ZFP69: variants seen among roughly 807,000 people sequenced by gnomAD.
ZFP69 encodes ZFP69 zinc finger protein.
In ZFP69, 35 loss-of-function variants were observed where a neutral mutation model predicts 48.9. The observed-to-expected ratio is 0.72, with a 90% CI of 0.55 to 0.95. The LOEUF is 0.95. ZFP69 is among the 40% of genes least tolerant of loss of function. The pLI, the probability that ZFP69 is intolerant of heterozygous loss-of-function variation, is 0.00. For synonymous variants in ZFP69, 193 were observed against 216.8 expected, an observed-to-expected ratio of 0.89 and a Z score of 0.96; for missense variants, 557 against 638.4, an observed-to-expected ratio of 0.87 and a Z score of 1.37.
chr1:40,491,722 CT>C (rs1557553711), intron 5 of ZFP69, among the ~76,000 whole-genome samples: 1 of 150,100 alleles, frequency 6.7e-6, no homozygotes, highest in Admixed American at 6.7e-5. Context: ...TTTCTATAAT[CT>C]TTTTTTCTTA....
chr1:40,479,696 C>G (rs1570012468), intron 2 of ZFP69, among the ~76,000 whole-genome samples: 1 of 152,242 alleles, frequency 6.6e-6, no homozygotes, highest in East Asian at 1.9e-4. Flanking sequence ...GCTCTCATCT[C>G]CCATCTTCAA....
intron 5 of ZFP69, among the ~76,000 whole-genome samples, chr1:40,489,992 C>T (rs537738683): frequency 1.3e-5 from 2 of 151,818 alleles, no homozygotes; most frequent in South Asian, 4.2e-4. Flanking sequence ...GCCTCAGCCT[C>T]CCGAGTAGCT....
intron 3 of ZFP69, among the ~76,000 whole-genome samples, chr1:40,486,171 C>G (rs887650209): frequency 7.2e-5 from 11 of 151,906 alleles, no homozygotes; most frequent in Non-Finnish European, 1.2e-4. Context: ...AAGTGATCTG[C>G]CACCATAGCC....
chr1:40,488,724 G>A (rs1042159754), intron 3 of ZFP69, among the ~76,000 whole-genome samples: 4 of 152,024 alleles, frequency 2.6e-5, no homozygotes, highest in Non-Finnish European at 4.4e-5. Context: ...TTATGTCTCC[G>A]GTCAAACATC....
At chr1:40,480,900 C>T (rs546422029) in intron 2 of ZFP69, among the ~76,000 whole-genome samples, 1 of 152,280 alleles carries the variant, frequency 6.6e-6, no homozygotes, top group South Asian at 2.1e-4. Flanking sequence ...GAGTACAATT[C>T]ACAATATCAA....
At chr1:40,494,724 A>T (rs1373902685) in intron 5 of ZFP69, among the ~76,000 whole-genome samples, 197 bp from the exon 6 acceptor site, 2 of 143,688 alleles carry the variant, frequency 1.4e-5, no homozygotes, top group Admixed American at 7.1e-5. Context: ...ATATATATCA[A>T]ATATATATAT....
rs1645535457 is a variant in ZFP69 at position 40,489,085 on chromosome 1, T to C, written c.220-3T>C. 1.2e-6 allele frequency: 2 copies of C among 1,613,920 alleles called. No homozygotes were observed. The highest frequency in any genetic ancestry group is 1.7e-6 in the Non-Finnish European group (2 of 1,179,978). On this transcript the variant is annotated splice_polypyrimidine_tract_variant and splice_region_variant and intron_variant, in intron 3 of 5. Coordinates refer to ENST00000372706, the MANE Select transcript of ZFP69 (RefSeq NM_001320179.2). The stretch of plus-strand genomic sequence containing the variant: ...CTAAAAATGAATGTATTTGATGTTC[T>C]AGGAATTGTTGACTTTCAAGGACAT...
In ZFP69 at chr1:40,479,334, A is replaced by G; in HGVS notation, c.-28A>G. ...AGCTTCTGGCAATTTCCTCACCAGA[A>G]GTGGACAAGTCCAGTAAGGCAGGCA... On this transcript the variant is annotated 5_prime_UTR_variant, in exon 2 of 6. Coordinates refer to ENST00000372706, the MANE Select transcript of ZFP69 (RefSeq NM_001320179.2). The G allele has an allele frequency of 6.2e-7, 1 of 1,612,294 alleles. No homozygotes were observed. The highest frequency in any genetic ancestry group is 1.7e-5 in the Admixed American group (1 of 59,984).
intron 3 of ZFP69, among the ~76,000 whole-genome samples, chr1:40,483,537 A>G (rs1252471100): frequency 6.6e-6 from 1 of 151,986 alleles, no homozygotes; most frequent in African/African-American, 2.4e-5. Context: ...CAAACTGTAC[A>G]CTTTCTTAGT....
chr1:40,486,249 T>G (rs1239084731), intron 3 of ZFP69, among the ~76,000 whole-genome samples: 1 of 151,872 alleles, frequency 6.6e-6, no homozygotes, highest in African/African-American at 2.4e-5. Context: ...TTATCCTTTT[T>G]GGGGTTTGCT....
intron 1 of ZFP69, among the ~76,000 whole-genome samples, chr1:40,478,122 T>TCACACACACACACACACACACACA (rs5773698): frequency 2.0e-5 from 3 of 147,148 alleles, no homozygotes; most frequent in Non-Finnish European, 3.0e-5. Flanking sequence ...CTGCATATAG[T>TCACACACACACACACACACACACA]CACACACACA....
In ZFP69 at chr1:40,485,541, C is replaced by T. The variant is rs932224553; in HGVS notation, c.220-3547C>T. Reference sequence around the variant, plus strand: ...TGAAAATGGAAAAAAACATGTCTTTCTTATTTGCCCTCATATTTATCCATT... The same window carrying T: ...TGAAAATGGAAAAAAACATGTCTTTTTTATTTGCCCTCATATTTATCCATT... On this transcript the variant is annotated intron_variant, in intron 3 of 5. Transcript: ENST00000372706. Among the ~76,000 whole-genome samples, 5 of 152,048 alleles carry T rather than the reference C, an allele frequency of 3.3e-5. No individual in the cohort carries two copies. The East Asian group carries it at 9.6e-4, about 29-fold the overall frequency.
In ZFP69 at chr1:40,496,197, A is replaced by T; in HGVS notation, c.*138A>T. On this transcript the variant is annotated 3_prime_UTR_variant, in exon 6 of 6. Coordinates refer to ENST00000372706, the MANE Select transcript of ZFP69 (RefSeq NM_001320179.2). ...TTTTCCCATTGTAAATAAACATTAC[A>T]TTGACAGGTATTGACTACTAACACC... 7.6e-6 allele frequency: 6 copies of T among 785,860 alleles called. No homozygotes were observed. The highest frequency in any genetic ancestry group is 9.7e-6 in the Non-Finnish European group (5 of 513,798). 48.7% of individuals were successfully genotyped at this position (785,860 alleles called of 1,614,324 possible). A position where few individuals can be genotyped will look rare whatever the true frequency, so the allele number is the denominator to read the frequency against.
At chr1:40,489,451 C>T (rs1645540030) in intron 4 of ZFP69, 78 bp from the exon 5 acceptor site, 5 of 1,356,904 alleles carry the variant, frequency 3.7e-6, no homozygotes, top group Non-Finnish European at 4.1e-6. Flanking sequence ...CCCTGAATAC[C>T]AGAAGACTCA....
Position 40,491,783 on chromosome 1 carries a change from G to A in ZFP69, c.442+2159G>A, listed in dbSNP as rs559194391. The stretch of plus-strand genomic sequence containing the variant: ...TGTGTATGTGTGTGTGTGTGTGTGT[G>A]TGTATATATATATATATTCATTCTA... On this transcript the variant is annotated intron_variant, in intron 5 of 5. Coordinates refer to ENST00000372706, the MANE Select transcript of ZFP69 (RefSeq NM_001320179.2). Among the ~76,000 whole-genome samples, 363 of 150,270 alleles carry A rather than the reference G, an allele frequency of 2.4e-3. 4 individuals carry two copies. Among genetic ancestry groups the A allele is most frequent in the African/African-American group, 8.8e-3 (356 of 40,444 alleles).
At chr1:40,484,982 T>A (rs1253963000) in intron 3 of ZFP69, among the ~76,000 whole-genome samples, 1 of 138,548 alleles carries the variant, frequency 7.2e-6, no homozygotes, top group African/African-American at 2.7e-5. Context: ...AACCTCTGCC[T>A]TCCAGGTTCA....
At chr1:40,484,210 G>A (rs1218197302) in intron 3 of ZFP69, among the ~76,000 whole-genome samples, 1 of 151,900 alleles carries the variant, frequency 6.6e-6, no homozygotes, top group African/African-American at 2.4e-5. Context: ...GTTTGGTTTT[G>A]TTTTTTAAAG....
chr1:40,490,191 A>T (rs1461590649), intron 5 of ZFP69, among the ~76,000 whole-genome samples: 3 of 151,868 alleles, frequency 2.0e-5, no homozygotes, highest in African/African-American at 7.3e-5. Context: ...AAACAACCAG[A>T]TCTCATGTGA....
At chr1:40,480,826 CAAATTT>C (rs1645436364) in intron 2 of ZFP69, among the ~76,000 whole-genome samples, 1 of 152,044 alleles carries the variant, frequency 6.6e-6, no homozygotes, top group African/African-American at 2.4e-5. Flanking sequence ...ATAATGTGTG[CAAATTT>C]AAATTAAAAT....
Sources: allele counts gnomAD v4.1 joint callset (sites outside exome capture counted in the v4.1 genomes callset), GRCh38; gene constraint gnomAD v4.1.1; transcripts MANE v1.5; gene names NCBI Gene and HGNC (gene_info 2026-07-23, HGNC 2026-07-21).